The following ZNF248 variants were observed in gnomAD, a reference collection of about 807,000 sequenced individuals.
ZNF248 encodes KRAB protein domain.
A neutral mutation model predicts 44.3 loss-of-function variants in ZNF248; 20 were observed. The observed-to-expected ratio is 0.45, with a 90% confidence interval of 0.32 to 0.66. The LOEUF (loss-of-function observed/expected upper bound fraction) is 0.66, where lower values mean the gene tolerates loss of function less well. ZNF248 is among the 30% of genes least tolerant of loss of function. The pLI, the probability that ZNF248 is intolerant of heterozygous loss-of-function variation, is 0.04. For missense variants in ZNF248, 654 were observed against 677.0 expected (o/e 0.97, Z 0.38); for synonymous variants, 224 against 229.0 (o/e 0.98, Z 0.20).
rs148738862 is a variant in ZNF248, at chr10:37,832,620, G to A, written c.735C>T (p.Asn245=). ...SQIGETVCKY[N]ECGRTFIESL... Reference sequence around the variant, plus strand: ...TTTCAATGAAGGTTCTTCCACATTCGTTATATTTACAGACTGTCTCTCCTA... The same window carrying A: ...TTTCAATGAAGGTTCTTCCACATTCATTATATTTACAGACTGTCTCTCCTA... The change falls in exon 6 of 6, where the codon AAC becomes AAT. Residue 245 remains asparagine (N), a synonymous_variant. Coordinates refer to ENST00000395867, the MANE Select transcript of ZNF248 (RefSeq NM_021045.3). 422 of 1,613,074 alleles carry A rather than the reference G, an allele frequency of 2.6e-4. 6 individuals carry two copies. The South Asian group carries it at 3.4e-3, about 13-fold the overall frequency.
At chr10:37,773,923 C>T (rs191048280), downstream of ZNF248, among the ~76,000 whole-genome samples, 298 of 152,132 alleles carry the variant, frequency 2.0e-3, 1 homozygote, top group Non-Finnish European at 3.6e-3. Context: ...AGCCTGCTGG[C>T]CTGCCCTACA....
At chr10:37,833,183 C>T in intron 5 of ZNF248, 67 bp from the exon 6 acceptor site, 1 of 1,507,718 alleles carries the variant, frequency 6.6e-7, no homozygotes, top group East Asian at 2.3e-5. Context: ...CAGACTTTTA[C>T]ACAAATGCAC....
intron 6 of ZNF248, among the ~76,000 whole-genome samples, chr10:37,778,027 T>C (rs561207002): frequency 1.3e-5 from 2 of 152,214 alleles, no homozygotes; most frequent in East Asian, 3.9e-4. Context: ...GCAGCATGAT[T>C]TATAGTCCTT....
At chr10:37,852,900 T>TAAAC (rs2060562873) in intron 3 of ZNF248, among the ~76,000 whole-genome samples, 1 of 152,040 alleles carries the variant, frequency 6.6e-6, no homozygotes, top group Non-Finnish European at 1.5e-5. Context: ...TCTCGCTCTG[T>TAAAC]TGCCAGGCTG....
the ZNF248 span, among the ~76,000 whole-genome samples, chr10:37,770,251 T>G: frequency 6.6e-6 from 1 of 152,184 alleles, no homozygotes; most frequent in Non-Finnish European, 1.5e-5. Context: ...AATCACTTTC[T>G]TCACAGAATT....
chr10:37,820,185 A>G (rs2053223653), intron 6 of ZNF248: 1 of 1,230,936 alleles, frequency 8.1e-7, no homozygotes, highest in East Asian at 2.3e-5. Flanking sequence ...ACTGTTTTCT[A>G]GTGCAGATAT....
At chr10:37,819,975 G>C (rs1254764459) in intron 6 of ZNF248, 4 of 769,870 alleles carry the variant, frequency 5.2e-6, no homozygotes, top group Non-Finnish European at 9.6e-6. Flanking sequence ...ATCTCAAGCG[G>C]TCTTGCATGC....
At chr10:37,764,355 T>C in the ZNF248 span, among the ~76,000 whole-genome samples, 38,015 of 152,080 alleles carry the variant, frequency 0.25, 4,939 homozygotes, top group East Asian at 0.4. Context: ...TCAAACCCTG[T>C]CTCCTGATAA....
intron 6 of ZNF248, among the ~76,000 whole-genome samples, chr10:37,812,051 CA>C (rs1026401967): frequency 9.9e-5 from 15 of 151,916 alleles, no homozygotes; most frequent in Non-Finnish European, 1.3e-4. Context: ...GCCTGGGCAA[CA>C]TGGCAAAACT....
chr10:37,776,934 G>C (rs571490780), intron 6 of ZNF248, among the ~76,000 whole-genome samples: 1 of 152,222 alleles, frequency 6.6e-6, no homozygotes, highest in East Asian at 1.9e-4. Context: ...AAAGATTGTT[G>C]TAAGGACTAA....
intron 6 of ZNF248, among the ~76,000 whole-genome samples, chr10:37,817,344 AT>A (rs201114876): frequency 4.7e-5 from 7 of 149,440 alleles, no homozygotes; most frequent in East Asian, 2.0e-4. Flanking sequence ...GACCTATATA[AT>A]TTTTTTTTGC....
chr10:37,759,924 G>C, the ZNF248 span, among the ~76,000 whole-genome samples: 1 of 152,314 alleles, frequency 6.6e-6, no homozygotes, highest in African/African-American at 2.4e-5. Context: ...AGAACCGCTA[G>C]GCAGGGAGGA....
chr10:37,843,936 A>ACTAT (rs2058811273), intron 3 of ZNF248, among the ~76,000 whole-genome samples: 1 of 152,200 alleles, frequency 6.6e-6, no homozygotes, highest in Admixed American at 6.5e-5. Flanking sequence ...CTTTGAGTGG[A>ACTAT]CTATCTATCA....
intron 6 of ZNF248, chr10:37,795,620 T>C (rs563856560): frequency 2.1e-4 from 32 of 152,320 alleles, no homozygotes; most frequent in African/African-American, 6.0e-4. Flanking sequence ...ATGACTGATA[T>C]CCTTTCCATT....
rs1223844967 is a variant in ZNF248, at chr10:37,831,604, G to A, written c.*11C>T. Reference sequence around the variant, plus strand: ...TAACCAATTTCACAAGTGTATGAAGGCTTCTAACATTCAGGATGTTGAAAG... The same window carrying A: ...TAACCAATTTCACAAGTGTATGAAGACTTCTAACATTCAGGATGTTGAAAG... On this transcript the variant is annotated 3_prime_UTR_variant, in exon 6 of 6. Coordinates refer to ENST00000395867, the MANE Select transcript of ZNF248 (RefSeq NM_021045.3). The A allele has an allele frequency of 6.2e-7, 1 of 1,609,246 alleles. No homozygotes were observed. The highest frequency in any genetic ancestry group is 1.7e-4 in the Middle Eastern group (1 of 6,018).
chr10:37,799,659 G>C (rs189641965), intron 6 of ZNF248, among the ~76,000 whole-genome samples: 2 of 152,278 alleles, frequency 1.3e-5, no homozygotes, highest in Admixed American at 1.3e-4. Context: ...AGACTCGTAA[G>C]AAGGGTGAGA....
intron 5 of ZNF248, among the ~76,000 whole-genome samples, chr10:37,835,135 A>AAGAGAAAAG (rs370914713): frequency 0.06 from 9,073 of 152,196 alleles, 344 homozygotes; most frequent in Middle Eastern, 0.095. Context: ...GCTAAAAAAA[A>AAGAGAAAAG]AGAGAAAAGA....
chr10:37,808,666 T>C (rs1183469468), intron 6 of ZNF248, among the ~76,000 whole-genome samples: 1 of 152,196 alleles, frequency 6.6e-6, no homozygotes, highest in Non-Finnish European at 1.5e-5. Context: ...TCATAAGGGA[T>C]ATTACTGTGC....
At chr10:37,816,439 G>A (rs1157030834) in intron 6 of ZNF248, among the ~76,000 whole-genome samples, 1 of 152,198 alleles carries the variant, frequency 6.6e-6, no homozygotes, top group Non-Finnish European at 1.5e-5. Context: ...CCACTACCAT[G>A]CTCAGAGCTA....
Sources: allele counts gnomAD v4.1 joint callset (sites outside exome capture counted in the v4.1 genomes callset), GRCh38; gene constraint gnomAD v4.1.1; transcripts MANE v1.5; gene names NCBI Gene and HGNC (gene_info 2026-07-23, HGNC 2026-07-21).